CPB2: variants seen among roughly 807,000 people sequenced by gnomAD.
CPB2 encodes carboxypeptidase B-like protein.
CPB2 carries 54 observed loss-of-function variants against 57.0 expected under a neutral mutation model. The ratio of observed to expected loss-of-function variants is 0.95; its 90% CI spans 0.76 to 1.19. The LOEUF (loss-of-function observed/expected upper bound fraction) is 1.19, where lower values mean the gene tolerates loss of function less well. Among genes scored for constraint, CPB2 ranks in the 50% most tolerant of loss-of-function variants. The pLI is 0.00. For synonymous variants in CPB2, 189 were observed against 178.1 expected, an observed-to-expected ratio of 1.06 and a Z score of -0.49; for missense variants, 426 against 512.0, an observed-to-expected ratio of 0.83 and a Z score of 1.62.
chr13:46,067,154 T>TTA (rs913552042), intron 7 of CPB2, among the ~76,000 whole-genome samples, 153 bp downstream of exon 7: 3 of 149,672 alleles, frequency 2.0e-5, no homozygotes, highest in African/African-American at 7.4e-5. Context: ...TTATGTGCAC[T>TTA]TATATATATA....
At chr13:46,063,132 A>G (rs1435801774) in intron 8 of CPB2, among the ~76,000 whole-genome samples, 1 of 152,188 alleles carries the variant, frequency 6.6e-6, no homozygotes, top group Non-Finnish European at 1.5e-5. Context: ...GTGGGTGGGA[A>G]GAAAGAGTGA....
At chr13:46,093,510 C>T (rs972747457) in intron 1 of CPB2, among the ~76,000 whole-genome samples, 1 of 152,144 alleles carries the variant, frequency 6.6e-6, no homozygotes, top group African/African-American at 2.4e-5. Context: ...TCTCCACATT[C>T]TAGAATGCTT....
At chr13:46,090,581 C>G (rs1470032546) in intron 1 of CPB2, among the ~76,000 whole-genome samples, 1 of 151,626 alleles carries the variant, frequency 6.6e-6, no homozygotes, top group Non-Finnish European at 1.5e-5. Context: ...TCAGGCTGGT[C>G]TCGAACTCCT....
Position 46,057,272 on chromosome 13 carries a change from GA to G in CPB2, c.999+906del, listed in dbSNP as rs974990509. On this transcript the variant is annotated intron_variant, in intron 9 of 10. Coordinates refer to ENST00000181383, the MANE Select transcript of CPB2 (RefSeq NM_001872.5). ...TTCCTTAACAGTTTTCCCTTGAGAAGAAAAAAGCTCAAGTATCAAGTACATT... is the reference window on the plus strand; with the variant it reads ...TTCCTTAACAGTTTTCCCTTGAGAAGAAAAAGCTCAAGTATCAAGTACATT... Among the ~76,000 whole-genome samples the G allele has an allele frequency of 2.6e-5, 4 of 152,064 alleles. 1 individual carries two copies.
intron 1 of CPB2, among the ~76,000 whole-genome samples, chr13:46,091,661 C>G (rs1266241590): frequency 6.6e-6 from 1 of 152,178 alleles, no homozygotes; most frequent in Non-Finnish European, 1.5e-5. Flanking sequence ...AAAGCAGACA[C>G]TTGGTTGGTT....
chr13:46,101,217 C>T (rs1459638139), intron 1 of CPB2: 1 of 152,152 alleles, frequency 6.6e-6, no homozygotes, highest in Non-Finnish European at 1.5e-5. Context: ...TGCTTCTGGA[C>T]CTCATTTCCA....
At position 46,084,297 on chromosome 13, in the gene CPB2, T is replaced by C. The variant is rs368381615; in HGVS notation, c.197A>G (p.Lys66Arg). The C allele has an allele frequency of 6.2e-7, 1 of 1,614,038 alleles. No homozygotes were observed. Among genetic ancestry groups the C allele is most frequent in the East Asian group, 2.2e-5 (1 of 44,890 alleles). ...PVTADLIVKK[K>R]QVHFFVNASD... Reference sequence around the variant, plus strand: ...TGCATTTACAAAAAAATGGACTTGTTTTTTCTTCACAATAAGGTCAGCTGT... The same window carrying C: ...TGCATTTACAAAAAAATGGACTTGTCTTTTCTTCACAATAAGGTCAGCTGT... Residue 66 changes from lysine (K) to arginine (R), a missense_variant, in exon 3 of 11, where the codon AAA becomes AGA. Lys to Arg is a conservative substitution (Grantham distance 26). Coordinates refer to ENST00000181383, the MANE Select transcript of CPB2 (RefSeq NM_001872.5).
chr13:46,094,036 A>C (rs936988961), intron 1 of CPB2, among the ~76,000 whole-genome samples: 1 of 152,202 alleles, frequency 6.6e-6, no homozygotes, highest in African/African-American at 2.4e-5. Context: ...AATTAAATTT[A>C]AAGAAAAATC....
intron 8 of CPB2, among the ~76,000 whole-genome samples, chr13:46,063,079 C>T (rs902630813): frequency 1.3e-5 from 2 of 152,096 alleles, no homozygotes; most frequent in Admixed American, 6.5e-5. Context: ...AGTTTATTTT[C>T]GTAGCTGTTT....
chr13:46,087,886 G>T, intron 1 of CPB2, 66 bp from the exon 2 acceptor site: 1 of 1,092,114 alleles, frequency 9.2e-7, no homozygotes, highest in Non-Finnish European at 1.4e-6. Context: ...ATATTATACT[G>T]TGAGGAGCTT....
intron 2 of CPB2, among the ~76,000 whole-genome samples, chr13:46,086,840 G>A (rs892066637): frequency 1.3e-5 from 2 of 152,220 alleles, no homozygotes; most frequent in African/African-American, 4.8e-5. Flanking sequence ...TCCAGAGGGG[G>A]CTGAGGCAGC....
At chr13:46,054,054 T>C (rs138823426) in intron 10 of CPB2, among the ~76,000 whole-genome samples, 8 of 152,316 alleles carry the variant, frequency 5.3e-5, no homozygotes, top group Admixed American at 2.6e-4. Flanking sequence ...TGTTCCCAAA[T>C]GGACGTCAAA....
chr13:46,077,650 A>T (rs1593899612), intron 5 of CPB2, among the ~76,000 whole-genome samples: 1 of 152,162 alleles, frequency 6.6e-6, no homozygotes, highest in East Asian at 1.9e-4. Context: ...CACCATTCAC[A>T]ATAGTCAAGA....
At chr13:46,084,955 A>G (rs998691594) in intron 2 of CPB2, among the ~76,000 whole-genome samples, 15 of 151,188 alleles carry the variant, frequency 9.9e-5, no homozygotes, top group African/African-American at 2.9e-4. Context: ...AGTTCTCGCC[A>G]TTCTCCTGCC....
intron 8 of CPB2, among the ~76,000 whole-genome samples, chr13:46,061,940 T>C (rs974424317): frequency 2.6e-5 from 4 of 152,132 alleles, no homozygotes; most frequent in African/African-American, 7.2e-5. Flanking sequence ...AAATTCTTCT[T>C]TCTCACTGTC....
At chr13:46,102,874 C>T (rs908336477) in intron 1 of CPB2, among the ~76,000 whole-genome samples, 30 of 152,012 alleles carry the variant, frequency 2.0e-4, no homozygotes, top group African/African-American at 7.2e-4. Context: ...AAGGGACCCT[C>T]GCAGTATGCA....
intron 5 of CPB2, among the ~76,000 whole-genome samples, chr13:46,076,849 G>C (rs1465050415): frequency 1.3e-5 from 2 of 152,012 alleles, no homozygotes; most frequent in Non-Finnish European, 2.9e-5. Flanking sequence ...GGACAGTCTT[G>C]TCAATAAATG....
intron 4 of CPB2, among the ~76,000 whole-genome samples, chr13:46,079,535 C>CAAAAAAAAAAAAAAAAAAGAAAAAA (rs2045075733): frequency 4.5e-5 from 5 of 111,008 alleles, no homozygotes; most frequent in Non-Finnish European, 7.1e-5. Flanking sequence ...AAGGAAAAAG[C>CAAAAAAAAAAAAAAAAAAGAAAAAA]AAAAAAAAAA....
intron 7 of CPB2, among the ~76,000 whole-genome samples, chr13:46,065,799 G>A (rs1345469632): frequency 6.6e-6 from 1 of 152,072 alleles, no homozygotes; most frequent in Non-Finnish European, 1.5e-5. Flanking sequence ...GGGATATCAA[G>A]TTCTCAAACT....
Sources: allele counts gnomAD v4.1 joint callset (sites outside exome capture counted in the v4.1 genomes callset), GRCh38; gene constraint gnomAD v4.1.1; transcripts MANE v1.5; gene names NCBI Gene and HGNC (gene_info 2026-07-23, HGNC 2026-07-21).